Variants in BCL7C observed in about 807,000 individuals in gnomAD.
BCL7C encodes BAF chromatin remodeling complex subunit BCL7C.
BCL7C carries 8 observed loss-of-function variants against 26.2 expected under a neutral mutation model. That is an observed-to-expected ratio of 0.30 (90% CI 0.18 to 0.55). The LOEUF (loss-of-function observed/expected upper bound fraction) is 0.55. BCL7C is among the 20% of genes least tolerant of loss of function. The probability of loss-of-function intolerance (pLI) is 0.93; values close to 1 mark genes in which losing one functional copy is unlikely to be tolerated. For synonymous variants in BCL7C, 90 were observed against 116.5 expected (o/e 0.77, Z 1.47); for missense variants, 262 against 298.5 (o/e 0.88, Z 0.90).
intron 5 of BCL7C, among the ~76,000 whole-genome samples, chr16:30,862,441 T>C (rs774230853): frequency 6.6e-6 from 1 of 152,196 alleles, no homozygotes; most frequent in Non-Finnish European, 1.5e-5. Flanking sequence ...CCCTCATTAC[T>C]TCAGTCAAGC....
downstream of BCL7C, among the ~76,000 whole-genome samples, chr16:30,885,878 G>T (rs1366403335): frequency 6.6e-6 from 1 of 152,114 alleles, no homozygotes; most frequent in African/African-American, 2.4e-5. Context: ...TAGACACAGG[G>T]TCTTGCTTTG....
chr16:30,858,834 G>T (rs952161195), intron 5 of BCL7C, among the ~76,000 whole-genome samples: 2 of 152,062 alleles, frequency 1.3e-5, no homozygotes, highest in Non-Finnish European at 1.5e-5. Flanking sequence ...AAAATGACTC[G>T]CATGACTAAA....
At chr16:30,871,396 GAAATAATAAGAGTACTT>G (rs1456347147) in intron 5 of BCL7C, among the ~76,000 whole-genome samples, 1 of 152,092 alleles carries the variant, frequency 6.6e-6, no homozygotes, top group Non-Finnish European at 1.5e-5. Flanking sequence ...CTGTCAAGTG[GAAATAATAAGAGTACTT>G]ACCTCACTAA....
At chr16:30,873,878 TAC>T (rs1297159091) in intron 5 of BCL7C, among the ~76,000 whole-genome samples, 4 of 146,402 alleles carry the variant, frequency 2.7e-5, no homozygotes, top group Non-Finnish European at 6.0e-5. Context: ...CAGATATATA[TAC>T]ACACACACAC....
rs1489366815 is a variant in BCL7C at position 30,893,866 on chromosome 16, T to C, written c.79A>G (p.Lys27Glu). Reference protein sequence around the residue: ...DIKKVMATIEKVRRWEKRWVT... With the variant: ...DIKKVMATIEEVRRWEKRWVT... The stretch of plus-strand genomic sequence containing the variant: ...AGCAGCGCTCACCATCTCCGGACCT[T>C]CTCGATGGTCGCCATCACCTTCTTG... Residue 27 changes from lysine (K) to glutamate (E), a missense_variant, in exon 1 of 6, where the codon AAG becomes GAG. By Grantham distance (56) the Lys-to-Glu change is moderately conservative. Transcript: ENST00000215115. This position sits in a 1 kb window ranked among gnomAD's most constrained non-coding sequence, Gnocchi z 5.2. 1.2e-6 allele frequency: 2 copies of C among 1,601,880 alleles called. No individual in the cohort carries two copies. Among genetic ancestry groups the C allele is most frequent in the Non-Finnish European group, 1.7e-6 (2 of 1,179,042 alleles).
chr16:30,860,988 C>G lies in BCL7C; in HGVS notation c.529-25840G>C, dbSNP rs955083914. On this transcript the variant is annotated intron_variant, in intron 5 of 5. Transcript: ENST00000380317. ...GTTTTTTTCCGCGACTAGCCCTCCC[C>G]CATCTGCCCAACAATTTCCTCTTAG... Among the ~76,000 whole-genome samples, 19 of 152,290 alleles carry G rather than the reference C, an allele frequency of 1.2e-4. No individual in the cohort carries two copies. The South Asian group carries it at 3.7e-3, about 30-fold the overall frequency.
intron 5 of BCL7C, among the ~76,000 whole-genome samples, chr16:30,846,239 T>TATTTATTTATTTA (rs1567308533): frequency 6.7e-6 from 1 of 148,650 alleles, no homozygotes; most frequent in African/African-American, 2.5e-5. Context: ...TTTATTTATT[T>TATTTATTTATTTA]TTTGGAGATG....
chr16:30,872,487 C>T (rs563169502), intron 5 of BCL7C, among the ~76,000 whole-genome samples: 1 of 152,316 alleles, frequency 6.6e-6, no homozygotes, highest in Admixed American at 6.5e-5. Flanking sequence ...CACACACCCT[C>T]ATTCTCCAGG....
At chr16:30,850,036 C>T (rs2054662459) in intron 5 of BCL7C, among the ~76,000 whole-genome samples, 1 of 151,350 alleles carries the variant, frequency 6.6e-6, no homozygotes, top group Non-Finnish European at 1.5e-5. Context: ...AGTGAAACCC[C>T]ATCTCTACTA....
chr16:30,862,008 CACTG>C (rs2151372778), intron 5 of BCL7C, among the ~76,000 whole-genome samples: 2 of 151,752 alleles, frequency 1.3e-5, no homozygotes, highest in African/African-American at 2.4e-5. Context: ...GGACTACAGG[CACTG>C]GCTAATTTTT....
intron 5 of BCL7C, among the ~76,000 whole-genome samples, chr16:30,837,272 C>A (rs1451014608): frequency 1.3e-5 from 2 of 152,124 alleles, no homozygotes; most frequent in Non-Finnish European, 2.9e-5. Context: ...CAAGAAAAAT[C>A]AGGATGGGTC....
At chr16:30,843,136 A>G (rs755815854) in intron 5 of BCL7C, among the ~76,000 whole-genome samples, 62 of 152,212 alleles carry the variant, frequency 4.1e-4, no homozygotes, top group Non-Finnish European at 7.8e-4. Context: ...ATAGCAAACA[A>G]TCAAACATAC....
intron 5 of BCL7C, among the ~76,000 whole-genome samples, chr16:30,858,757 C>T (rs1478611228): frequency 3.9e-5 from 6 of 152,248 alleles, no homozygotes; most frequent in South Asian, 2.1e-4. Context: ...AGACCAACAA[C>T]CAAACAACAG....
At chr16:30,835,674 C>T (rs1436039397) in intron 5 of BCL7C, among the ~76,000 whole-genome samples, 1 of 150,474 alleles carries the variant, frequency 6.6e-6, no homozygotes, top group Non-Finnish European at 1.5e-5. Flanking sequence ...GGTGAAACCC[C>T]GTCTCTACTA....
chr16:30,872,432 A>T (rs528382537), intron 5 of BCL7C, among the ~76,000 whole-genome samples: 12 of 152,096 alleles, frequency 7.9e-5, no homozygotes, highest in Non-Finnish European at 1.6e-4. Flanking sequence ...AGCAACCAAG[A>T]TGAACTAGAG....
intron 5 of BCL7C, among the ~76,000 whole-genome samples, chr16:30,841,987 C>T (rs2054605441): frequency 2.2e-5 from 2 of 92,312 alleles, no homozygotes; most frequent in South Asian, 8.7e-4. Context: ...AGCTCAGGGC[C>T]CTTGTCCACC....
chr16:30,887,786 GAC>G, downstream of BCL7C: 1 of 1,504,482 alleles, frequency 6.6e-7, no homozygotes, highest in Non-Finnish European at 8.8e-7. Flanking sequence ...GAAATGACAT[GAC>G]ACAAAATTAC....
chr16:30,847,675 A>G (rs6565211), intron 5 of BCL7C, among the ~76,000 whole-genome samples: 147,579 of 152,044 alleles, frequency 0.97, 71,752 homozygotes, highest in Middle Eastern at 1. Context: ...GCACACCTGT[A>G]ATCCCAGCTA....
intron 5 of BCL7C, chr16:30,851,316 T>A: frequency 4.9e-6 from 1 of 203,264 alleles, no homozygotes; most frequent in Non-Finnish European, 1.0e-5. Flanking sequence ...TCTTGGCTCA[T>A]CGCAACCTCC....
Sources: gnomAD v4.1 joint callset for allele counts (sites outside exome capture counted in the v4.1 genomes callset) on GRCh38, gnomAD v4.1.1 for gene constraint, Gnocchi (gnomAD v3.1) non-coding constraint, MANE v1.5 for transcripts, NCBI Gene and HGNC (gene_info 2026-07-23, HGNC 2026-07-21) for gene names.